WDFY4: variants seen among roughly 807,000 people sequenced by gnomAD.
The protein encoded by WDFY4 is WDFY family member 4, also known as WD repeat- and FYVE domain-containing protein 4.
A neutral mutation model predicts 351.9 loss-of-function variants in WDFY4; 169 were observed. That is an observed-to-expected ratio of 0.48 (90% CI 0.42 to 0.55). The LOEUF (loss-of-function observed/expected upper bound fraction) is 0.55. Among genes scored for constraint, WDFY4 ranks in the 20% least tolerant of loss-of-function variants. The probability of loss-of-function intolerance (pLI) is 0.00; values close to 1 mark genes in which losing one functional copy is unlikely to be tolerated. For missense variants in WDFY4, 3,803 were observed against 3,935.6 expected (o/e 0.97, Z 0.90); for synonymous variants, 1,622 against 1,574.6 (o/e 1.03, Z -0.71).
At chr10:48,943,533 C>T (rs78878337) in intron 49 of WDFY4, 84 bp downstream of exon 49, 18,861 of 1,413,418 alleles carry the variant, frequency 0.013, 160 homozygotes, top group South Asian at 0.015. Context: ...TGCAGAGCCT[C>T]TGCTAGGAGG....
At chr10:48,723,359 G>A (rs369955532) in intron 4 of WDFY4, 74 bp from the exon 5 acceptor site, 2 of 1,508,322 alleles carry the variant, frequency 1.3e-6, no homozygotes. Context: ...GGCTGCAGGG[G>A]CCTGATCCTG....
At chr10:48,846,996 C>T (rs553523747) in intron 39 of WDFY4, among the ~76,000 whole-genome samples, 3 of 152,262 alleles carry the variant, frequency 2.0e-5, no homozygotes, top group South Asian at 4.2e-4. Flanking sequence ...TGCCTCAGTG[C>T]TAGGGGAGAA....
intron 40 of WDFY4, among the ~76,000 whole-genome samples, chr10:48,871,465 G>C (rs1348920761): frequency 6.7e-6 from 1 of 148,960 alleles, no homozygotes; most frequent in Non-Finnish European, 1.5e-5. Flanking sequence ...TTTTCTGGTG[G>C]CCCCCCCCTT....
intron 44 of WDFY4, among the ~76,000 whole-genome samples, chr10:48,896,158 C>A (rs760966693): frequency 3.3e-5 from 5 of 152,238 alleles, no homozygotes; most frequent in African/African-American, 4.8e-5. Flanking sequence ...GTATACCCAG[C>A]AGCTCAGGCC....
chr10:48,925,144 T>G (rs2133623310), intron 47 of WDFY4, among the ~76,000 whole-genome samples: 1 of 152,304 alleles, frequency 6.6e-6, no homozygotes, highest in South Asian at 2.1e-4. Flanking sequence ...ACTCACTCAT[T>G]CAAAGGTAAC....
intron 51 of WDFY4, among the ~76,000 whole-genome samples, chr10:48,952,504 C>G (rs184032368): frequency 6.6e-6 from 1 of 152,128 alleles, no homozygotes; most frequent in African/African-American, 2.4e-5. Flanking sequence ...CAGACAGTCC[C>G]GGGATAATCT....
chr10:48,795,504 T>TATATATTATATATATATATATA, intron 23 of WDFY4, among the ~76,000 whole-genome samples: 1 of 115,728 alleles, frequency 8.6e-6, no homozygotes, highest in African/African-American at 3.9e-5. Flanking sequence ...TATATATATA[T>TATATATTATATATATATATATA]ATATATATAT....
At chr10:48,877,479 T>C (rs2070067191) in intron 43 of WDFY4, among the ~76,000 whole-genome samples, 1 of 152,228 alleles carries the variant, frequency 6.6e-6, no homozygotes, top group Admixed American at 6.5e-5. Context: ...ACTTTGACCT[T>C]CATAACAACC....
rs2064647497 is a variant in WDFY4 at position 48,735,936 on chromosome 10, T to C, written c.1744T>C (p.Cys582Arg). The C allele has an allele frequency of 1.3e-6, 2 of 1,551,556 alleles. No homozygotes were observed. The highest frequency in any genetic ancestry group is 1.7e-6 in the Non-Finnish European group (2 of 1,147,010). Residue 582 changes from cysteine (C) to arginine (R), a missense_variant, in exon 11 of 62, where the codon TGC becomes CGC. By Grantham distance (180) the Cys-to-Arg change is radical (BLOSUM62 -3). Around this residue, in one of 3 missense-constraint regions of WDFY4, gnomAD observed 261 missense variants for 330.2 expected, o/e 0.79. Transcript: ENST00000325239. ...CATCAAGATCTTCCTGGATGACGAG[T>C]GCTACCGGGAGGCCTCGCTCAGCAT... The part of the protein sequence containing the change: ...PFIKIFLDDE[C>R]YREASLSILE...
intron 13 of WDFY4, among the ~76,000 whole-genome samples, chr10:48,767,584 C>T (rs530268414): frequency 1.3e-5 from 2 of 152,172 alleles, no homozygotes; most frequent in African/African-American, 4.8e-5. Context: ...GTGTAGCTGG[C>T]TTAAGGTAGG....
At chr10:48,769,596 C>T (rs549219936) in intron 13 of WDFY4, among the ~76,000 whole-genome samples, 1 of 152,266 alleles carries the variant, frequency 6.6e-6, no homozygotes, top group South Asian at 2.1e-4. Context: ...GGCACTGGGC[C>T]TCTCTGGTGG....
intron 12 of WDFY4, among the ~76,000 whole-genome samples, chr10:48,755,155 A>G (rs751313626): frequency 6.6e-6 from 1 of 152,134 alleles, no homozygotes; most frequent in African/African-American, 2.4e-5. Flanking sequence ...CCAGAATACC[A>G]TATACATGGA....
chr10:48,856,271 A>G (rs977936295), intron 39 of WDFY4, among the ~76,000 whole-genome samples: 3 of 152,140 alleles, frequency 2.0e-5, no homozygotes, highest in African/African-American at 7.2e-5. Context: ...CGAGATAGCC[A>G]CTATATTTTA....
intron 47 of WDFY4, among the ~76,000 whole-genome samples, chr10:48,916,029 C>T (rs1838497561): frequency 6.6e-6 from 1 of 152,210 alleles, no homozygotes; most frequent in Admixed American, 6.5e-5. Context: ...TGTATGCTCA[C>T]TTGGTCCCAC....
At chr10:48,981,579 GC>G in intron 61 of WDFY4, 101 bp downstream of exon 61, 1 of 1,083,782 alleles carries the variant, frequency 9.2e-7, no homozygotes, top group Non-Finnish European at 1.3e-6. Flanking sequence ...GGCCGAGGAG[GC>G]CACTTCACTC....
At position 48,744,864 on chromosome 10, in the gene WDFY4, G is replaced by A. The variant is rs562394454; in HGVS notation, c.2459+1316G>A. Reference sequence around the variant, plus strand: ...CGACTGCTCACGATGGCTCCCTCACGCTCTTCTGAGCAGAACTTGTGAGTT... The same window carrying A: ...CGACTGCTCACGATGGCTCCCTCACACTCTTCTGAGCAGAACTTGTGAGTT... On this transcript the variant is annotated intron_variant, in intron 12 of 61. Coordinates refer to ENST00000325239, the MANE Select transcript of WDFY4 (RefSeq NM_001394531.1). Among the ~76,000 whole-genome samples the A allele has an allele frequency of 1.6e-4, 25 of 152,284 alleles. No individual in the cohort carries two copies. The South Asian group carries it at 4.8e-3, about 29-fold the overall frequency.
intron 47 of WDFY4, among the ~76,000 whole-genome samples, chr10:48,928,312 A>G (rs1839746133): frequency 6.7e-6 from 1 of 149,120 alleles, no homozygotes; most frequent in African/African-American, 2.5e-5. Context: ...TCCCAAGGTC[A>G]GGGGAGGGCA....
intron 40 of WDFY4, among the ~76,000 whole-genome samples, chr10:48,868,386 T>G (rs539450181): frequency 1.3e-5 from 2 of 152,230 alleles, no homozygotes; most frequent in South Asian, 4.2e-4. Flanking sequence ...TCAGCAGGCA[T>G]GTCTAGTTTT....
At position 48,877,112 on chromosome 10, in the gene WDFY4, C is replaced by T; in HGVS notation, c.7080C>T (p.Ala2360=). Reference sequence around the variant, plus strand: ...GCACCCAGCTGACCTTCTTCCCAGCCTTACACGAAAGTCTGCACTCAGAAG... The same window carrying T: ...GCACCCAGCTGACCTTCTTCCCAGCTTTACACGAAAGTCTGCACTCAGAAG... ...VDCTQLTFFP[A]LHESLHSEDF... is the part of the protein sequence containing the mutation. Residue 2360 remains alanine (A), a synonymous_variant, in exon 43 of 62, where the codon GCC becomes GCT. Coordinates refer to ENST00000325239, the MANE Select transcript of WDFY4 (RefSeq NM_001394531.1). The T allele has an allele frequency of 6.5e-7, 1 of 1,549,734 alleles. No individual in the cohort carries two copies. Among genetic ancestry groups the T allele is most frequent in the Non-Finnish European group, 8.7e-7 (1 of 1,146,116 alleles).
Sources: allele counts gnomAD v4.1 joint callset (sites outside exome capture counted in the v4.1 genomes callset), GRCh38; gene constraint gnomAD v4.1.1; regional missense constraint gnomAD v4.1.1; transcripts MANE v1.5; gene names NCBI Gene and HGNC (gene_info 2026-07-23, HGNC 2026-07-21).